CACNA2D3: variants seen among roughly 807,000 people sequenced by gnomAD.
CACNA2D3 encodes calcium voltage-gated channel auxiliary subunit alpha2delta 3, also known as voltage-dependent calcium channel subunit alpha-2/delta-3.
In CACNA2D3, 60 loss-of-function variants were observed where a neutral mutation model predicts 160.6. The ratio of observed to expected loss-of-function variants is 0.37; its 90% CI spans 0.30 to 0.46. The LOEUF is 0.46. Ranked by LOEUF, CACNA2D3 falls within the 20% of genes least tolerant of loss-of-function variation. The pLI, the probability that CACNA2D3 is intolerant of heterozygous loss-of-function variation, is 1.00. For synonymous variants in CACNA2D3, 558 were observed against 492.9 expected, an observed-to-expected ratio of 1.13 and a Z score of -1.75; for missense variants, 1,205 against 1,365.0, an observed-to-expected ratio of 0.88 and a Z score of 1.85.
intron 13 of CACNA2D3, among the ~76,000 whole-genome samples, chr3:54,768,271 C>G (rs2107107034): frequency 6.6e-6 from 1 of 152,248 alleles, no homozygotes; most frequent in Non-Finnish European, 1.5e-5. Context: ...AAAATTAGCA[C>G]CACCAATGAG....
At chr3:54,531,157 C>T (rs2106640939) in intron 5 of CACNA2D3, among the ~76,000 whole-genome samples, 1 of 152,356 alleles carries the variant, frequency 6.6e-6, no homozygotes, top group South Asian at 2.1e-4. Flanking sequence ...GCTGTGGGAA[C>T]AGCTGACATG....
At chr3:54,478,689 T>G (rs1029557995) in intron 4 of CACNA2D3, among the ~76,000 whole-genome samples, 38 of 142,756 alleles carry the variant, frequency 2.7e-4, no homozygotes, top group African/African-American at 5.7e-4. Context: ...TTGCTTGTCA[T>G]TCTGAGCAGT....
intron 11 of CACNA2D3, among the ~76,000 whole-genome samples, chr3:54,719,141 C>T (rs1014250310): frequency 3.4e-4 from 49 of 144,350 alleles, no homozygotes; most frequent in Non-Finnish European, 6.0e-4. Flanking sequence ...ATTTCTTTTT[C>T]TTACCAAGTT....
At chr3:54,671,892 T>C (rs1700170651) in intron 11 of CACNA2D3, among the ~76,000 whole-genome samples, 1 of 152,212 alleles carries the variant, frequency 6.6e-6, no homozygotes, top group Non-Finnish European at 1.5e-5. Context: ...CATCTGCCCC[T>C]GCATAATGAG....
chr3:54,309,564 C>A (rs1220199392), intron 2 of CACNA2D3, among the ~76,000 whole-genome samples: 2 of 152,126 alleles, frequency 1.3e-5, no homozygotes, highest in African/African-American at 4.8e-5. Context: ...CTCTCGGGGA[C>A]AGCCTCCCTG....
At chr3:54,879,919 A>C (rs778086400) in intron 20 of CACNA2D3, among the ~76,000 whole-genome samples, 1 of 152,166 alleles carries the variant, frequency 6.6e-6, no homozygotes, top group Non-Finnish European at 1.5e-5. Flanking sequence ...GCTTTGCCTC[A>C]TTGGCTGCTT....
intron 3 of CACNA2D3, among the ~76,000 whole-genome samples, chr3:54,344,054 G>T (rs186763096): frequency 2.0e-5 from 3 of 152,252 alleles, no homozygotes; most frequent in Admixed American, 2.0e-4. Flanking sequence ...AAGTTTTTAC[G>T]AATTATTTTG....
chr3:54,828,972 T>C lies in CACNA2D3; in HGVS notation c.1399-8187T>C, dbSNP rs79082566. Among the ~76,000 whole-genome samples the C allele has an allele frequency of 7.5e-3, 1,144 of 152,364 alleles. 6 individuals carry two copies. Among genetic ancestry groups the C allele is most frequent in the South Asian group, 0.012 (57 of 4,830 alleles). ...ACATGTTACTTGAAAGGTTTACTTA[T>C]TTCTTATTCTTGTTTCTTATTCTAA... On this transcript the variant is annotated intron_variant, in intron 14 of 37. Transcript: ENST00000474759.
At chr3:54,137,055 CTG>C (rs1699826490) in intron 2 of CACNA2D3, among the ~76,000 whole-genome samples, 1 of 152,192 alleles carries the variant, frequency 6.6e-6, no homozygotes, top group Non-Finnish European at 1.5e-5. Context: ...CATCTTCCCT[CTG>C]TGATTTTTTT....
intron 5 of CACNA2D3, among the ~76,000 whole-genome samples, chr3:54,522,942 TTAC>T (rs1701669506): frequency 6.7e-6 from 1 of 149,688 alleles, no homozygotes; most frequent in South Asian, 2.1e-4. Context: ...ATTTACTTAC[TTAC>T]TTACTTACTT....
Position 54,257,449 on chromosome 3 carries a change from C to A in CACNA2D3, c.205-62993C>A, listed in dbSNP as rs746526236. 3.3e-5 allele frequency among the ~76,000 whole-genome samples: 5 copies of A among 152,172 alleles called. No homozygotes were observed. The East Asian group carries it at 9.6e-4, about 29-fold the overall frequency. ...TGAGAGCTAGGGGAGCTTTCCCTCT[C>A]TGAAATGTTTATAGACTTATTTTTT... On this transcript the variant is annotated intron_variant, in intron 2 of 37. Coordinates refer to ENST00000474759, the MANE Select transcript of CACNA2D3 (RefSeq NM_018398.3).
At chr3:54,310,832 A>C (rs1703723077) in intron 2 of CACNA2D3, among the ~76,000 whole-genome samples, 1 of 152,216 alleles carries the variant, frequency 6.6e-6, no homozygotes, top group African/African-American at 2.4e-5. Context: ...TCATTTGATC[A>C]TCTCAAGAGC....
chr3:54,328,262 TTTTTG>T (rs1704162494), intron 3 of CACNA2D3, among the ~76,000 whole-genome samples: 1 of 152,084 alleles, frequency 6.6e-6, no homozygotes, highest in Non-Finnish European at 1.5e-5. Flanking sequence ...ATCTCATGGT[TTTTTG>T]TTTTGTTTCG....
intron 11 of CACNA2D3, among the ~76,000 whole-genome samples, chr3:54,691,673 C>T (rs1700573718): frequency 6.6e-6 from 1 of 152,176 alleles, no homozygotes; most frequent in African/African-American, 2.4e-5. Context: ...TGCTGAATTC[C>T]TTCAGACCCC....
intron 2 of CACNA2D3, among the ~76,000 whole-genome samples, chr3:54,303,780 G>A (rs1460388572): frequency 2.0e-5 from 3 of 149,034 alleles, no homozygotes; most frequent in Non-Finnish European, 4.4e-5. Context: ...TGGATTTGGT[G>A]TGCATCTGCT....
At chr3:54,801,791 A>C (rs1702993385) in intron 13 of CACNA2D3, among the ~76,000 whole-genome samples, 1 of 152,102 alleles carries the variant, frequency 6.6e-6, no homozygotes, top group Non-Finnish European at 1.5e-5. Context: ...GCTTTTAAAC[A>C]TACCATTGGA....
chr3:54,249,698 C>T (rs1702148400), intron 2 of CACNA2D3, among the ~76,000 whole-genome samples: 1 of 149,732 alleles, frequency 6.7e-6, no homozygotes, highest in Non-Finnish European at 1.5e-5. Context: ...CACACACACA[C>T]CCCTCATCCT....
intron 27 of CACNA2D3, among the ~76,000 whole-genome samples, chr3:54,929,246 A>G (rs1174783146): frequency 2.0e-5 from 3 of 152,154 alleles, no homozygotes; most frequent in Admixed American, 6.5e-5. Context: ...GGCTGTGCCC[A>G]GGATTAAATA....
chr3:55,066,904 C>T (rs1336428133), intron 35 of CACNA2D3, among the ~76,000 whole-genome samples: 1 of 152,176 alleles, frequency 6.6e-6, no homozygotes, highest in Non-Finnish European at 1.5e-5. Context: ...TGATGTCAGC[C>T]TGGCTGCTGG....
Sources: allele counts gnomAD v4.1 joint callset (sites outside exome capture counted in the v4.1 genomes callset), GRCh38; gene constraint gnomAD v4.1.1; transcripts MANE v1.5; gene names NCBI Gene and HGNC (gene_info 2026-07-23, HGNC 2026-07-21).